The following PHLDB2 variants were observed in gnomAD, a reference collection of about 807,000 sequenced individuals.
PHLDB2 encodes pleckstrin homology like domain family B member 2.
In PHLDB2, 71 loss-of-function variants were observed where a neutral mutation model predicts 123.6. The ratio of observed to expected loss-of-function variants is 0.57; its 90% confidence interval spans 0.47 to 0.70. The LOEUF is 0.70. Ranked by LOEUF, PHLDB2 falls within the 30% of genes least tolerant of loss-of-function variation. PHLDB2 has a pLI of 0.00. For synonymous variants in PHLDB2, 547 were observed against 541.6 expected, an observed-to-expected ratio of 1.01 and a Z score of -0.14; for missense variants, 1,446 against 1,519.5, an observed-to-expected ratio of 0.95 and a Z score of 0.80.
At chr3:111,772,573 G>C (rs2060196386) in intron 1 of PHLDB2, among the ~76,000 whole-genome samples, 1 of 152,146 alleles carries the variant, frequency 6.6e-6, no homozygotes, top group South Asian at 2.1e-4. Flanking sequence ...GCCCTGCCTG[G>C]CTAGATTCTG....
At chr3:111,778,677 T>A (rs2060311961) in intron 1 of PHLDB2, among the ~76,000 whole-genome samples, 1 of 152,048 alleles carries the variant, frequency 6.6e-6, no homozygotes, top group Non-Finnish European at 1.5e-5. Flanking sequence ...TCAACTCTCA[T>A]TACAGAGTCC....
chr3:111,921,294 C>T (rs2068485221), intron 5 of PHLDB2, among the ~76,000 whole-genome samples: 2 of 152,150 alleles, frequency 1.3e-5, no homozygotes, highest in South Asian at 4.1e-4. Context: ...TAAGCTTTAA[C>T]ACATTCTTCC....
At chr3:111,896,405 C>T (rs769865208) in intron 2 of PHLDB2, among the ~76,000 whole-genome samples, 5 of 151,456 alleles carry the variant, frequency 3.3e-5, no homozygotes, top group African/African-American at 1.2e-4. Flanking sequence ...AGTGCAGTGG[C>T]GTGATCTCAG....
rs149962117 is a variant in PHLDB2, at chr3:111,736,182, T to G, written c.-49+3479T>G. Reference sequence around the variant, plus strand: ...TAGCAATTGCCCAAGAGTCAGTGCTTTGATTCCTTTCTGAAGCTGAGAGAG... The same window carrying G: ...TAGCAATTGCCCAAGAGTCAGTGCTGTGATTCCTTTCTGAAGCTGAGAGAG... On this transcript the variant is annotated intron_variant, in intron 1 of 17. Coordinates refer to the PHLDB2 transcript ENST00000393923. Among the ~76,000 whole-genome samples the G allele has an allele frequency of 1.2e-4, 19 of 152,264 alleles. No individual in the cohort carries two copies. The East Asian group carries it at 2.7e-3, about 22-fold the overall frequency.
Position 111,974,012 on chromosome 3 carries a change from G to C in PHLDB2, c.3621+195G>C, listed in dbSNP as rs78879606. ...AGGAAAAAAAATATCATAGCAAATT[G>C]AGGAAATATTCTGGACATAATGGTT... On this transcript the variant is annotated intron_variant, in intron 17 of 17. Coordinates refer to ENST00000431670, the MANE Select transcript of PHLDB2 (RefSeq NM_001134438.2). Among the ~76,000 whole-genome samples the C allele has an allele frequency of 1.1e-4, 16 of 152,266 alleles. No individual in the cohort carries two copies. The East Asian group carries it at 3.1e-3, about 29-fold the overall frequency.
At chr3:111,902,436 T>A (rs571136461) in intron 2 of PHLDB2, among the ~76,000 whole-genome samples, 1 of 152,200 alleles carries the variant, frequency 6.6e-6, no homozygotes, top group South Asian at 2.1e-4. Flanking sequence ...GTAGCCTGGG[T>A]GACAGTGCAA....
chr3:111,923,003 A>G (rs1032144567), intron 5 of PHLDB2, among the ~76,000 whole-genome samples: 2 of 152,162 alleles, frequency 1.3e-5, no homozygotes, highest in Non-Finnish European at 2.9e-5. Flanking sequence ...TACTGTCAGC[A>G]TGCCAATATT....
At chr3:111,973,544 T>C (rs2072353478) in intron 16 of PHLDB2, among the ~76,000 whole-genome samples, 188 bp from the exon 17 acceptor site, 1 of 152,218 alleles carries the variant, frequency 6.6e-6, no homozygotes, top group African/African-American at 2.4e-5. Flanking sequence ...AGTAATTTTA[T>C]GGCTTTTCTT....
chr3:111,815,299 G>A (rs1442374298), intron 1 of PHLDB2, among the ~76,000 whole-genome samples: 1 of 152,198 alleles, frequency 6.6e-6, no homozygotes, highest in African/African-American at 2.4e-5. Flanking sequence ...AAATATGGAA[G>A]TGAGTTTGGA....
intron 1 of PHLDB2, among the ~76,000 whole-genome samples, chr3:111,745,613 A>C (rs12489858): frequency 0.058 from 8,815 of 152,152 alleles, 619 homozygotes; most frequent in East Asian, 0.37. Context: ...TTTTTTAAAA[A>C]ATTAGCTGGG....
rs769316667 is a variant in PHLDB2 at position 111,815,151 on chromosome 3, T to C, written c.-48-30670T>C. On this transcript the variant is annotated intron_variant, in intron 1 of 17. Transcript: ENST00000393923. Reference sequence around the variant, plus strand: ...CATGATTGTGAGGCCTCCCCATCCATGTGGAACTGTAAGTCCAATAAACCA... The same window carrying C: ...CATGATTGTGAGGCCTCCCCATCCACGTGGAACTGTAAGTCCAATAAACCA... 3.5e-4 allele frequency among the ~76,000 whole-genome samples: 53 copies of C among 152,308 alleles called. 1 individual carries two copies. The highest frequency in any genetic ancestry group is 6.8e-4 in the Non-Finnish European group (46 of 68,024).
chr3:111,887,664 C>A (rs567184680), intron 2 of PHLDB2, among the ~76,000 whole-genome samples: 13 of 152,246 alleles, frequency 8.5e-5, no homozygotes, highest in African/African-American at 2.2e-4. Flanking sequence ...TATTCCAAAA[C>A]ATATATCCAC....
chr3:111,878,087 A>T (rs949407655), intron 1 of PHLDB2, among the ~76,000 whole-genome samples: 1 of 152,196 alleles, frequency 6.6e-6, no homozygotes, highest in African/African-American at 2.4e-5. Context: ...AGTTCTGTGA[A>T]GAAAGTCAAT....
chr3:111,976,011 A>G lies in PHLDB2; in HGVS notation c.*1448A>G, dbSNP rs143265105. On this transcript the variant is annotated 3_prime_UTR_variant, in exon 18 of 18. Coordinates refer to ENST00000431670, the MANE Select transcript of PHLDB2 (RefSeq NM_001134438.2). ...ACTTGAACAGTGAAGGACAAAAATC[A>G]TGATTGTGGAAGATATTTTTAAAAT... 947 of 152,786 alleles carry G rather than the reference A, an allele frequency of 6.2e-3. 1 individual carries two copies. The highest frequency in any genetic ancestry group is 9.5e-3 in the Non-Finnish European group (646 of 68,024). The allele number at this position is 152,786 out of a possible 1,614,324, so 9.5% of individuals were successfully genotyped here.
chr3:111,754,201 C>T (rs1373824310), intron 1 of PHLDB2, among the ~76,000 whole-genome samples: 4 of 149,832 alleles, frequency 2.7e-5, no homozygotes, highest in South Asian at 4.3e-4. Context: ...TCATTGGTAG[C>T]TTGATGGGGA....
At chr3:111,934,804 A>T (rs2069367171) in intron 6 of PHLDB2, among the ~76,000 whole-genome samples, 2 of 152,192 alleles carry the variant, frequency 1.3e-5, no homozygotes, top group African/African-American at 4.8e-5. Flanking sequence ...GTGGAAAAAG[A>T]TAATAGAAAT....
intron 1 of PHLDB2, among the ~76,000 whole-genome samples, chr3:111,868,827 C>T (rs774376970): frequency 8.5e-5 from 13 of 152,162 alleles, no homozygotes; most frequent in Non-Finnish European, 1.3e-4. Flanking sequence ...TTTCTGTCCT[C>T]CCCCAACCTG....
Position 111,905,946 on chromosome 3 carries a change from C to T in PHLDB2, c.1336-7373C>T, listed in dbSNP as rs189511661. ...TGTAGCACCTTGTTGACTGGAATGT[C>T]GTTATGTGTGCAGATATTTTATTTT... On this transcript the variant is annotated intron_variant, in intron 2 of 17. Transcript: ENST00000431670. Among the ~76,000 whole-genome samples, 48 of 152,140 alleles carry T rather than the reference C, an allele frequency of 3.2e-4. 1 individual carries two copies. Among genetic ancestry groups the T allele is most frequent in the South Asian group, 2.1e-3 (10 of 4,824 alleles).
At position 111,852,418 on chromosome 3, in the gene PHLDB2, CT is replaced by C. The variant is rs143141036; in HGVS notation, c.67+6485del. 7.5e-3 allele frequency among the ~76,000 whole-genome samples: 1,105 copies of C among 147,400 alleles called. 20 individuals carry two copies. The highest frequency in any genetic ancestry group is 0.025 in the African/African-American group (1,020 of 40,370). Reference sequence around the variant, plus strand: ...CATAGGATTATATATTATAATAATCCTTATGTATAATTATCTTTATACATAA... The same window carrying C: ...CATAGGATTATATATTATAATAATCCTATGTATAATTATCTTTATACATAA... On this transcript the variant is annotated intron_variant, in intron 2 of 17. Coordinates refer to the PHLDB2 transcript ENST00000393923.
Sources: gnomAD v4.1 joint callset for allele counts (sites outside exome capture counted in the v4.1 genomes callset) on GRCh38, gnomAD v4.1.1 for gene constraint, MANE v1.5 for transcripts, NCBI Gene and HGNC (gene_info 2026-07-23, HGNC 2026-07-21) for gene names.